DAB1: variants seen among roughly 807,000 people sequenced by gnomAD.
The protein encoded by DAB1 is DAB adaptor protein 1, also known as disabled homolog 1.
In DAB1, 15 loss-of-function variants were observed where a neutral mutation model predicts 64.6. The ratio of observed to expected loss-of-function variants is 0.23; its 90% CI spans 0.16 to 0.36. The LOEUF (loss-of-function observed/expected upper bound fraction) is 0.36, where lower values mean the gene tolerates loss of function less well. Ranked by LOEUF, DAB1 falls within the 10% of genes least tolerant of loss-of-function variation. The pLI is 1.00. For missense variants in DAB1, 596 were observed against 706.7 expected (o/e 0.84, Z 1.78); for synonymous variants, 235 against 251.9 (o/e 0.93, Z 0.64).
At chr1:58,165,100 AC>A (rs1220441567) in intron 4 of DAB1, among the ~76,000 whole-genome samples, 6 of 152,020 alleles carry the variant, frequency 3.9e-5, no homozygotes, top group Non-Finnish European at 7.4e-5. Flanking sequence ...AGGGGCCCGG[AC>A]CCCCTAGCTC....
chr1:58,359,760 G>A (rs1644146828), intron 3 of DAB1, among the ~76,000 whole-genome samples: 1 of 151,812 alleles, frequency 6.6e-6, no homozygotes, highest in Admixed American at 6.6e-5. Flanking sequence ...TATTTCCTAT[G>A]TTTCTGGCTC....
At chr1:57,028,972 T>A (rs1052960344) in intron 9 of DAB1, among the ~76,000 whole-genome samples, 2 of 152,216 alleles carry the variant, frequency 1.3e-5, no homozygotes, top group East Asian at 3.8e-4. Flanking sequence ...GAAATTTGCA[T>A]AAGTAGCAAG....
intron 9 of DAB1, among the ~76,000 whole-genome samples, chr1:57,057,498 C>T (rs1045619409): frequency 2.0e-5 from 3 of 152,036 alleles, no homozygotes; most frequent in South Asian, 2.1e-4. Flanking sequence ...AAAATTTTAG[C>T]GGTTTTCAGA....
rs187723064 is a variant in DAB1, at chr1:58,193,728, C to T, written n.310-43140G>A. On this transcript the variant is annotated intron_variant and non_coding_transcript_variant, in intron 4 of 20. Coordinates refer to the DAB1 transcript ENST00000485760. ...AAAATTAGCCAGGCATGGTGGCGCA[C>T]GCCTGTAATGCCAGCTGCTCGGGAG... is the stretch of plus-strand genomic sequence containing the variant. Among the ~76,000 whole-genome samples, 62 of 152,088 alleles carry T rather than the reference C, an allele frequency of 4.1e-4. 1 individual carries two copies. Among genetic ancestry groups the T allele is most frequent in the African/African-American group, 1.5e-3 (61 of 41,506 alleles).
At chr1:57,789,843 T>C (rs1322869397) in intron 6 of DAB1, among the ~76,000 whole-genome samples, 2 of 152,204 alleles carry the variant, frequency 1.3e-5, no homozygotes, top group Non-Finnish European at 2.9e-5. Flanking sequence ...CTATCTTGAT[T>C]GCTGACCAAG....
intron 2 of DAB1, among the ~76,000 whole-genome samples, chr1:58,511,153 T>G (rs1433827718): frequency 3.9e-5 from 6 of 152,096 alleles, no homozygotes; most frequent in Non-Finnish European, 8.8e-5. Flanking sequence ...GAACCACAAC[T>G]AACCCCAAAT....
intron 5 of DAB1, among the ~76,000 whole-genome samples, chr1:57,981,028 C>T (rs1646053751): frequency 6.6e-6 from 1 of 151,542 alleles, no homozygotes; most frequent in Admixed American, 6.6e-5. Flanking sequence ...TCAAAATTAG[C>T]CTAAATGCTT....
At chr1:57,814,810 T>C (rs1189552625) in intron 6 of DAB1, among the ~76,000 whole-genome samples, 1 of 151,434 alleles carries the variant, frequency 6.6e-6, no homozygotes, top group Non-Finnish European at 1.5e-5. Flanking sequence ...CAGGAGACTG[T>C]GTTTCCAGTC....
chr1:57,891,239 G>T (rs188403064), intron 5 of DAB1, among the ~76,000 whole-genome samples: 2 of 152,052 alleles, frequency 1.3e-5, no homozygotes, highest in Admixed American at 6.6e-5. Context: ...ACATTTATGC[G>T]GCCAACAAAC....
At chr1:57,159,458 C>G (rs1170598046) in intron 2 of DAB1, among the ~76,000 whole-genome samples, 1 of 152,158 alleles carries the variant, frequency 6.6e-6, no homozygotes, top group Admixed American at 6.5e-5. Flanking sequence ...AAGAAAAAGC[C>G]AGGCCCTACA....
chr1:57,598,013 C>T lies in DAB1; in HGVS notation n.625+51579G>A, dbSNP rs957805976. Reference sequence around the variant, plus strand: ...ATTTCTTTATTTTGAGACGGAGTCTCGCTTTGTCACCCAGGCTGCAGTGCA... The same window carrying T: ...ATTTCTTTATTTTGAGACGGAGTCTTGCTTTGTCACCCAGGCTGCAGTGCA... On this transcript the variant is annotated intron_variant and non_coding_transcript_variant, in intron 7 of 20. Coordinates refer to the DAB1 transcript ENST00000485760. 5.3e-5 allele frequency among the ~76,000 whole-genome samples: 8 copies of T among 152,078 alleles called. 1 individual carries two copies. The highest frequency in any genetic ancestry group is 1.3e-4 in the Admixed American group (2 of 15,274).
chr1:57,716,962 C>T (rs2101752592), intron 6 of DAB1, among the ~76,000 whole-genome samples: 1 of 152,202 alleles, frequency 6.6e-6, no homozygotes, highest in East Asian at 1.9e-4. Context: ...ACAAATGGGC[C>T]AGACACTGTG....
chr1:57,091,488 C>A (rs985133487), intron 4 of DAB1, among the ~76,000 whole-genome samples: 2 of 152,112 alleles, frequency 1.3e-5, no homozygotes, highest in African/African-American at 4.8e-5. Context: ...AGGTATTTAG[C>A]TCAGAGAGAC....
chr1:57,357,107 C>T (rs778184500), intron 1 of DAB1, among the ~76,000 whole-genome samples: 3 of 152,008 alleles, frequency 2.0e-5, no homozygotes, highest in African/African-American at 7.2e-5. Flanking sequence ...ATTTTATCAC[C>T]AATACACTCT....
chr1:57,273,338 A>G (rs1671163147), intron 2 of DAB1, among the ~76,000 whole-genome samples: 1 of 152,190 alleles, frequency 6.6e-6, no homozygotes, highest in South Asian at 2.1e-4. Context: ...TGTCTGCAAG[A>G]GGAACATGTT....
exon 3 of DAB1, chr1:58,506,133 T>C (rs1423932052): frequency 2.3e-6 from 2 of 871,964 alleles, no homozygotes; most frequent in Non-Finnish European, 4.0e-6. Context: ...TTCTGGCATC[T>C]TGGGTTGGCC....
intron 4 of DAB1, among the ~76,000 whole-genome samples, chr1:58,203,198 C>T (rs955302804): frequency 1.5e-4 from 23 of 152,172 alleles, no homozygotes; most frequent in Non-Finnish European, 3.1e-4. Context: ...CCGTGTGTTC[C>T]TTAAATTTCC....
At chr1:57,648,201 G>A (rs897636921) in intron 7 of DAB1, among the ~76,000 whole-genome samples, 9 of 152,064 alleles carry the variant, frequency 5.9e-5, no homozygotes, top group African/African-American at 1.2e-4. Context: ...TCTCTATTGC[G>A]GCAAATTACA....
At chr1:57,565,778 C>G (rs1645112551) in intron 7 of DAB1, among the ~76,000 whole-genome samples, 1 of 152,094 alleles carries the variant, frequency 6.6e-6, no homozygotes, top group South Asian at 2.1e-4. Flanking sequence ...CATAAAGCAG[C>G]TCCTTAGAGA....
Sources: gnomAD v4.1 joint callset for allele counts (sites outside exome capture counted in the v4.1 genomes callset) on GRCh38, gnomAD v4.1.1 for gene constraint, MANE v1.5 for transcripts, NCBI Gene and HGNC (gene_info 2026-07-23, HGNC 2026-07-21) for gene names.